Variants in FRMD4A observed in about 807,000 individuals in gnomAD.
FRMD4A encodes FERM domain containing 4A, also known as FERM domain-containing protein 4A.
FRMD4A carries 29 observed loss-of-function variants against 129.1 expected under a neutral mutation model. That is an observed-to-expected ratio of 0.22 (90% CI 0.17 to 0.31). The LOEUF (loss-of-function observed/expected upper bound fraction) is 0.31, where lower values mean the gene tolerates loss of function less well. FRMD4A is among the 10% of genes least tolerant of loss of function. The pLI is 1.00. For synonymous variants in FRMD4A, 634 were observed against 571.6 expected, an observed-to-expected ratio of 1.11 and a Z score of -1.56; for missense variants, 1,272 against 1,375.8, an observed-to-expected ratio of 0.92 and a Z score of 1.19.
chr10:13,847,940 T>C (rs895765177), intron 3 of FRMD4A, among the ~76,000 whole-genome samples: 5 of 152,224 alleles, frequency 3.3e-5, no homozygotes, highest in Admixed American at 6.5e-5. Context: ...ATAAAAACGA[T>C]GACAGCCACA....
At chr10:13,797,867 T>C (rs1006195641) in intron 4 of FRMD4A, among the ~76,000 whole-genome samples, 4 of 150,628 alleles carry the variant, frequency 2.7e-5, no homozygotes, top group African/African-American at 9.8e-5. Flanking sequence ...AACACACAAG[T>C]GACTTCCAAC....
At chr10:14,129,885 C>G (rs1839148587) in intron 2 of FRMD4A, among the ~76,000 whole-genome samples, 1 of 152,192 alleles carries the variant, frequency 6.6e-6, no homozygotes. Flanking sequence ...GATTTTCCAT[C>G]TGTGGGCACC....
intron 2 of FRMD4A, among the ~76,000 whole-genome samples, chr10:14,233,529 G>T (rs993331543): frequency 4.6e-5 from 7 of 152,204 alleles, no homozygotes; most frequent in Non-Finnish European, 7.3e-5. Flanking sequence ...AGCCGAGATT[G>T]TGCCACTGCA....
chr10:14,287,019 G>A (rs577242469), intron 2 of FRMD4A, among the ~76,000 whole-genome samples: 76 of 152,254 alleles, frequency 5.0e-4, no homozygotes, highest in South Asian at 1.2e-3. Flanking sequence ...CACTCTTGGC[G>A]TTCTGCACTG....
chr10:13,994,431 C>T (rs1419989935), intron 2 of FRMD4A, among the ~76,000 whole-genome samples: 1 of 152,014 alleles, frequency 6.6e-6, no homozygotes. Flanking sequence ...CCTGCCTCGG[C>T]CTCCCAAAGT....
chr10:13,956,705 C>T (rs1357171056), intron 2 of FRMD4A, among the ~76,000 whole-genome samples: 2 of 152,100 alleles, frequency 1.3e-5, no homozygotes, highest in East Asian at 1.9e-4. Context: ...TTTTTCTGAG[C>T]GGCAGAGAAA....
In FRMD4A at chr10:13,846,626, G is replaced by A. The variant is rs138880248; in HGVS notation, c.111+12221C>T. ...TTGTAAAGTTCAAGGCCCCAGCTCCGCTGGGCAGAGTGTGGTGACTGTAAT... is the reference window on the plus strand; with the variant it reads ...TTGTAAAGTTCAAGGCCCCAGCTCCACTGGGCAGAGTGTGGTGACTGTAAT... On this transcript the variant is annotated intron_variant, in intron 3 of 24. Transcript: ENST00000357447. Among the ~76,000 whole-genome samples the A allele has an allele frequency of 6.6e-5, 10 of 152,348 alleles. No individual in the cohort carries two copies. The East Asian group carries it at 1.7e-3, about 26-fold the overall frequency.
At chr10:13,707,184 G>A in intron 12 of FRMD4A, 71 bp from the exon 13 acceptor site, 1 of 962,282 alleles carries the variant, frequency 1.0e-6, no homozygotes, top group South Asian at 1.3e-5. Flanking sequence ...CTCTCTGCTG[G>A]TTAACTTTCG....
At chr10:13,675,177 G>C (rs1333648633) in intron 15 of FRMD4A, 133 bp from the exon 16 acceptor site, 1 of 754,354 alleles carries the variant, frequency 1.3e-6, no homozygotes. Flanking sequence ...AAATAAAACA[G>C]GTGCTCAGCA....
chr10:13,872,994 G>A (rs967899547), intron 2 of FRMD4A, among the ~76,000 whole-genome samples: 8 of 151,942 alleles, frequency 5.3e-5, no homozygotes, highest in South Asian at 4.2e-4. Context: ...CAGCCAACAC[G>A]GTGAAACGTC....
At chr10:13,750,793 ATT>A (rs1219895346) in intron 8 of FRMD4A, among the ~76,000 whole-genome samples, 6 of 152,114 alleles carry the variant, frequency 3.9e-5, no homozygotes, top group Non-Finnish European at 8.8e-5. Flanking sequence ...GCACCTGGTG[ATT>A]TTCAAACGGG....
chr10:13,847,430 C>G (rs1011255551), intron 3 of FRMD4A, among the ~76,000 whole-genome samples: 2 of 152,176 alleles, frequency 1.3e-5, no homozygotes, highest in Non-Finnish European at 2.9e-5. Context: ...CCAGACCGTT[C>G]GCTTCCTCCC....
intron 2 of FRMD4A, among the ~76,000 whole-genome samples, chr10:14,056,882 G>A (rs1834559991): frequency 6.6e-6 from 1 of 152,138 alleles, no homozygotes; most frequent in Non-Finnish European, 1.5e-5. Flanking sequence ...TAAATAAAAG[G>A]TATTGCTGGT....
chr10:14,071,407 C>T (rs1328072839), intron 2 of FRMD4A, among the ~76,000 whole-genome samples: 3 of 152,122 alleles, frequency 2.0e-5, no homozygotes, highest in Non-Finnish European at 4.4e-5. Context: ...GAAAGATAAA[C>T]CGTATGCCCA....
chr10:14,243,644 G>A (rs1477425106), intron 2 of FRMD4A, among the ~76,000 whole-genome samples: 2 of 152,100 alleles, frequency 1.3e-5, no homozygotes, highest in East Asian at 3.9e-4. Context: ...GGTTGCTAGG[G>A]ACTAGGGGAG....
At chr10:14,259,096 T>C (rs1306448595) in intron 2 of FRMD4A, among the ~76,000 whole-genome samples, 2 of 152,202 alleles carry the variant, frequency 1.3e-5, no homozygotes, top group African/African-American at 4.8e-5. Flanking sequence ...GTCTAATACA[T>C]ATGCCAAAAC....
chr10:13,665,167 C>T (rs1425049991), intron 18 of FRMD4A, among the ~76,000 whole-genome samples: 1 of 152,128 alleles, frequency 6.6e-6, no homozygotes, highest in African/African-American at 2.4e-5. Context: ...CCACCTCACC[C>T]AGCCCCAGCT....
intron 2 of FRMD4A, among the ~76,000 whole-genome samples, chr10:14,234,167 G>A (rs1843724041): frequency 1.3e-5 from 2 of 152,024 alleles, no homozygotes; most frequent in Admixed American, 6.6e-5. Context: ...TAGCATCTGT[G>A]AAGATAAGCA....
At chr10:14,053,414 C>G (rs561450953) in intron 2 of FRMD4A, among the ~76,000 whole-genome samples, 1 of 152,152 alleles carries the variant, frequency 6.6e-6, no homozygotes. Flanking sequence ...AGCCTGAAAA[C>G]CATGTTAATC....
Sources: allele counts gnomAD v4.1 joint callset (sites outside exome capture counted in the v4.1 genomes callset), GRCh38; gene constraint gnomAD v4.1.1; transcripts MANE v1.5; gene names NCBI Gene and HGNC (gene_info 2026-07-23, HGNC 2026-07-21).